PSMA8: variants seen among roughly 807,000 people sequenced by gnomAD.
PSMA8 encodes the protein proteasome 20S subunit alpha 8.
Under a neutral mutation model 32.4 loss-of-function variants are expected in PSMA8, and 18 were observed. That is an observed-to-expected ratio of 0.56 (90% CI 0.38 to 0.82). The LOEUF (loss-of-function observed/expected upper bound fraction) is 0.82, where lower values mean the gene tolerates loss of function less well. PSMA8 is among the 40% of genes least tolerant of loss of function. The probability of loss-of-function intolerance (pLI) is 0.00; values close to 1 mark genes in which losing one functional copy is unlikely to be tolerated. For synonymous variants in PSMA8, 104 were observed against 98.1 expected, an observed-to-expected ratio of 1.06 and a Z score of -0.36; for missense variants, 298 against 300.7, an observed-to-expected ratio of 0.99 and a Z score of 0.07.
chr18:26,187,750 A>G (rs2055368148), intron 6 of PSMA8, among the ~76,000 whole-genome samples: 1 of 152,162 alleles, frequency 6.6e-6, no homozygotes, highest in Non-Finnish European at 1.5e-5. Flanking sequence ...TTAAATATAT[A>G]TGCACCCAAC....
intron 6 of PSMA8, among the ~76,000 whole-genome samples, chr18:26,181,261 T>C (rs1348874065): frequency 6.6e-6 from 1 of 152,206 alleles, no homozygotes; most frequent in Non-Finnish European, 1.5e-5. Context: ...TGATCTTTGA[T>C]ATTACTGTGC....
rs1422997179 is a variant in PSMA8 at position 26,169,026 on chromosome 18, G to A, written c.478-9804G>A. On this transcript the variant is annotated intron_variant, in intron 4 of 6. Coordinates refer to ENST00000415576, the MANE Select transcript of PSMA8 (RefSeq NM_001025096.2). Reference sequence around the variant, plus strand: ...GAGACAAGGTCTCTTCTGTCACCCCGGCTGGAGTGCAGTGGCACAATCACG... The same window carrying A: ...GAGACAAGGTCTCTTCTGTCACCCCAGCTGGAGTGCAGTGGCACAATCACG... Among the ~76,000 whole-genome samples, 4 of 130,518 alleles carry A rather than the reference G, an allele frequency of 3.1e-5. 1 individual carries two copies. The highest frequency in any genetic ancestry group is 1.2e-4 in the African/African-American group (3 of 24,554). 85.6% of individuals were successfully genotyped at this position (130,518 alleles called of 152,430 possible). A position where few individuals can be genotyped will look rare whatever the true frequency, so the allele number is the denominator to read the frequency against.
intron 6 of PSMA8, among the ~76,000 whole-genome samples, chr18:26,189,539 A>T (rs189403276): frequency 1.5e-3 from 228 of 152,272 alleles, no homozygotes; most frequent in Non-Finnish European, 2.2e-3. Context: ...TCTCCAAAAA[A>T]AAGGTGATCA....
chr18:26,171,451 C>A (rs575078425), intron 4 of PSMA8, among the ~76,000 whole-genome samples: 1 of 152,112 alleles, frequency 6.6e-6, no homozygotes, highest in Non-Finnish European at 1.5e-5. Flanking sequence ...TTCTGAGTTT[C>A]GGCCGGGTGC....
In PSMA8 at chr18:26,158,208, TCAGA is replaced by T. The variant is rs779169490; in HGVS notation, c.446_449del (p.Thr149IlefsTer14). On this transcript the variant is annotated frameshift_variant, in exon 4 of 7. Coordinates refer to ENST00000415576, the MANE Select transcript of PSMA8 (RefSeq NM_001025096.2). LOFTEE classifies it high-confidence loss of function. The stretch of plus-strand genomic sequence containing the variant: ...ATGATGATGGTATCTCAAGATTGTA[TCAGA>T]CAGATCCTTCTGGTACTTATCATGC... 19 of 1,608,456 alleles carry T rather than the reference TCAGA, an allele frequency of 1.2e-5. No homozygotes were observed. Among genetic ancestry groups the T allele is most frequent in the Non-Finnish European group, 1.4e-5 (17 of 1,176,340 alleles).
intron 4 of PSMA8, among the ~76,000 whole-genome samples, chr18:26,171,719 G>A (rs2055223407): frequency 6.6e-6 from 1 of 151,822 alleles, no homozygotes; most frequent in African/African-American, 2.4e-5. Context: ...GGGCAACAGA[G>A]TGAGACTCCG....
intron 4 of PSMA8, among the ~76,000 whole-genome samples, chr18:26,171,554 C>A (rs181729102): frequency 1.4e-4 from 21 of 151,970 alleles, no homozygotes; most frequent in African/African-American, 7.3e-5. Flanking sequence ...GCCAACATGG[C>A]GAAACCCCGT....
intron 4 of PSMA8, among the ~76,000 whole-genome samples, chr18:26,174,980 A>G (rs931489197): frequency 1.3e-5 from 2 of 152,256 alleles, no homozygotes; most frequent in African/African-American, 4.8e-5. Context: ...AAATGCTGCC[A>G]TAAAAACTAA....
chr18:26,162,004 T>G (rs2055139555), intron 4 of PSMA8, among the ~76,000 whole-genome samples: 1 of 152,160 alleles, frequency 6.6e-6, no homozygotes, highest in Admixed American at 6.5e-5. Flanking sequence ...TCTTTATACA[T>G]TTTTGTACTG....
chr18:26,149,819 A>C (rs547033452), intron 2 of PSMA8, among the ~76,000 whole-genome samples: 1 of 152,364 alleles, frequency 6.6e-6, no homozygotes, highest in South Asian at 2.1e-4. Context: ...AGAGCTGAAA[A>C]TATAAAGCAT....
intron 3 of PSMA8, among the ~76,000 whole-genome samples, chr18:26,157,361 T>C (rs181080879): frequency 2.5e-4 from 38 of 151,228 alleles, no homozygotes; most frequent in African/African-American, 7.6e-4. Flanking sequence ...GAGACCAGCC[T>C]GGCCAACCAA....
In PSMA8 at chr18:26,144,674, T is replaced by A; in HGVS notation, c.218T>A (p.Met73Lys). ...TGTGCCCTTGATGACCATGTCTGCA[T>A]GGCTTTTGCAGGTACTTAAGGTCCT... Reference protein sequence around the residue: ...KICALDDHVCMAFAGLTADAR... With the variant: ...KICALDDHVCKAFAGLTADAR... The change falls in exon 2 of 7, where the codon ATG becomes AAG. Residue 73 changes from methionine (M) to lysine (K), a missense_variant. Coordinates refer to ENST00000415576, the MANE Select transcript of PSMA8 (RefSeq NM_001025096.2). 3 of 1,613,906 alleles carry A rather than the reference T, an allele frequency of 1.9e-6. No homozygotes were observed. Among genetic ancestry groups the A allele is most frequent in the Non-Finnish European group, 8.5e-7 (1 of 1,179,878 alleles).
intron 4 of PSMA8, among the ~76,000 whole-genome samples, chr18:26,175,862 A>G (rs372657980): frequency 3.9e-5 from 6 of 152,184 alleles, no homozygotes; most frequent in African/African-American, 1.2e-4. Context: ...CCTCTAGCCA[A>G]TATGTCTGCA....
intron 1 of PSMA8, among the ~76,000 whole-genome samples, chr18:26,141,789 C>T (rs1314601311): frequency 7.6e-5 from 11 of 145,132 alleles, no homozygotes; most frequent in Non-Finnish European, 4.5e-5. Context: ...CAGGCTCAAG[C>T]GATTCTCCCA....
intron 6 of PSMA8, among the ~76,000 whole-genome samples, chr18:26,181,260 A>T (rs1444308673): frequency 6.6e-6 from 1 of 152,170 alleles, no homozygotes; most frequent in Non-Finnish European, 1.5e-5. Flanking sequence ...ATGATCTTTG[A>T]TATTACTGTG....
chr18:26,159,911 A>C (rs1255725915), intron 4 of PSMA8, among the ~76,000 whole-genome samples: 1 of 152,202 alleles, frequency 6.6e-6, no homozygotes, highest in Non-Finnish European at 1.5e-5. Context: ...CTTTTAAAAA[A>C]AATCATCTTT....
At chr18:26,179,527 T>C (rs1175607632) in intron 6 of PSMA8, among the ~76,000 whole-genome samples, 1 of 152,208 alleles carries the variant, frequency 6.6e-6, no homozygotes, top group Admixed American at 6.5e-5. Context: ...CGATAACCTT[T>C]CCATATTTCT....
chr18:26,158,295 T>C lies in PSMA8; in HGVS notation c.477+51T>C, dbSNP rs371271124. ...TTTTAGAAGTTTAGTAAATATTCAATGTAAATGCTTTATTGCTTTGAGAGA... is the reference window on the plus strand; with the variant it reads ...TTTTAGAAGTTTAGTAAATATTCAACGTAAATGCTTTATTGCTTTGAGAGA... On this transcript the variant is annotated intron_variant, in intron 4 of 6. Transcript: ENST00000415576. The C allele has an allele frequency of 1.1e-5, 16 of 1,402,752 alleles. No individual in the cohort carries two copies. The African/African-American group carries it at 2.3e-4, about 21-fold the overall frequency. 86.9% of individuals were successfully genotyped at this position (1,402,752 alleles called of 1,614,324 possible).
At chr18:26,171,334 C>T in intron 4 of PSMA8, 4 of 1,521,846 alleles carry the variant, frequency 2.6e-6, no homozygotes, top group South Asian at 1.1e-5. Context: ...GCAGAACGCG[C>T]GGTCAAGTTT....
Sources: gnomAD v4.1 joint callset for allele counts (sites outside exome capture counted in the v4.1 genomes callset) on GRCh38, gnomAD v4.1.1 for gene constraint, MANE v1.5 for transcripts, NCBI Gene and HGNC (gene_info 2026-07-23, HGNC 2026-07-21) for gene names.